OAF: variants seen among roughly 807,000 people sequenced by gnomAD.
OAF encodes out at first protein homolog.
A neutral mutation model predicts 22.5 loss-of-function variants in OAF; 13 were observed. That is an observed-to-expected ratio of 0.58 (90% CI 0.38 to 0.92). OAF has a LOEUF of 0.92. OAF is among the 40% of genes least tolerant of loss of function. The pLI is 0.00. For missense variants in OAF, 347 were observed against 381.8 expected, an observed-to-expected ratio of 0.91 and a Z score of 0.76; for synonymous variants, 175 against 170.5, an observed-to-expected ratio of 1.03 and a Z score of -0.21.
At chr11:120,226,761 G>C in intron 2 of OAF, 55 bp from the exon 3 acceptor site, 1 of 1,500,534 alleles carries the variant, frequency 6.7e-7, no homozygotes, top group Non-Finnish European at 9.1e-7. Context: ...GTCAGGGGAA[G>C]ATGGACAGGG....
chr11:120,218,985 ACG>A (rs1491111719), intron 1 of OAF, among the ~76,000 whole-genome samples: 3 of 148,430 alleles, frequency 2.0e-5, no homozygotes, highest in Non-Finnish European at 4.4e-5. Flanking sequence ...ACGCATGTAC[ACG>A]TGTGTGTGTG....
In OAF at chr11:120,229,223, A is replaced by T; in HGVS notation, c.*81A>T. 3 of 1,305,206 alleles carry T rather than the reference A, an allele frequency of 2.3e-6. No homozygotes were observed. The highest frequency in any genetic ancestry group is 3.2e-6 in the Non-Finnish European group (3 of 927,344). The allele number at this position is 1,305,206 out of a possible 1,614,324, so 80.9% of individuals were successfully genotyped here. On this transcript the variant is annotated 3_prime_UTR_variant, in exon 4 of 4. Transcript: ENST00000328965. The stretch of plus-strand genomic sequence containing the variant: ...TAGAGGGGGTGGCAACCCCCACCTG[A>T]GGCCTTATTTCCCTCCCTCCCCACT...
chr11:120,214,761 C>T (rs541857), intron 1 of OAF, among the ~76,000 whole-genome samples: 19,841 of 152,276 alleles, frequency 0.13, 1,612 homozygotes, highest in South Asian at 0.2. Flanking sequence ...CAGTCACAGT[C>T]GTCAACCCAC....
rs908539480 is a variant in OAF, at chr11:120,219,944, G to C, written c.232-5717G>C. 1.7e-4 allele frequency among the ~76,000 whole-genome samples: 26 copies of C among 152,266 alleles called. 1 individual carries two copies. Among genetic ancestry groups the C allele is most frequent in the Middle Eastern group, 3.4e-3 (1 of 294 alleles). ...CACATTGGAGGCCAGTGGGTTGATG[G>C]AGGCCCTAGAGCATTCATTCGTTCC... On this transcript the variant is annotated intron_variant, in intron 1 of 3. Coordinates refer to ENST00000328965, the MANE Select transcript of OAF (RefSeq NM_178507.4).
At chr11:120,222,154 G>A (rs762265337) in intron 1 of OAF, among the ~76,000 whole-genome samples, 8 of 152,216 alleles carry the variant, frequency 5.3e-5, no homozygotes, top group Non-Finnish European at 7.3e-5. Context: ...AGTGGAAAGC[G>A]GGAGGGACAC....
intron 1 of OAF, among the ~76,000 whole-genome samples, chr11:120,214,730 C>G (rs986423273): frequency 5.9e-5 from 9 of 152,252 alleles, no homozygotes; most frequent in African/African-American, 2.2e-4. Flanking sequence ...CACTACTGCT[C>G]TGGACCTTGA....
chr11:120,219,354 A>T (rs915196476), intron 1 of OAF, among the ~76,000 whole-genome samples: 1 of 152,118 alleles, frequency 6.6e-6, no homozygotes, highest in Non-Finnish European at 1.5e-5. Context: ...ATCAGTTGAG[A>T]TTAGGCTCAG....
chr11:120,211,535 T>A (rs764273146), intron 1 of OAF, 25 bp downstream of exon 1: 1 of 1,426,210 alleles, frequency 7.0e-7, no homozygotes, highest in South Asian at 1.5e-5. Context: ...CTCGCCGGGG[T>A]GGCACCTTCA....
In OAF at chr11:120,226,953, C is replaced by T. The variant is rs1938367713; in HGVS notation, c.504C>T (p.Ala168=). 1 of 1,605,986 alleles carries T rather than the reference C, an allele frequency of 6.2e-7. No individual in the cohort carries two copies. The highest frequency in any genetic ancestry group is 8.5e-7 in the Non-Finnish European group (1 of 1,174,362). ...LHNVCAEAVD[A]IYTRQEDVRF... ...ACGTGTGTGCCGAGGCCGTGGATGC[C>T]ATCTACACCCGCCAGGAGGATGTCC... Residue 168 remains alanine (A), a synonymous_variant, in exon 3 of 4, where the codon GCC becomes GCT. Transcript: ENST00000328965.
rs1938413942 is a variant in OAF at position 120,229,792 on chromosome 11, C to T, written c.*650C>T. The T allele has an allele frequency of 6.5e-6, 1 of 152,728 alleles. No individual in the cohort carries two copies. The highest frequency in any genetic ancestry group is 6.5e-5 in the Admixed American group (1 of 15,310). 9.5% of individuals were successfully genotyped at this position (152,728 alleles called of 1,614,324 possible). A position where few individuals can be genotyped will look rare whatever the true frequency, so the allele number is the denominator to read the frequency against. Reference sequence around the variant, plus strand: ...CTGGACGTTGCCTCCAGAGCAGGCACCAGCTCTTTCCCTCTCTACACAGAA... The same window carrying T: ...CTGGACGTTGCCTCCAGAGCAGGCATCAGCTCTTTCCCTCTCTACACAGAA... On this transcript the variant is annotated 3_prime_UTR_variant, in exon 4 of 4. Coordinates refer to ENST00000328965, the MANE Select transcript of OAF (RefSeq NM_178507.4).
rs1938138541 is a variant in OAF, at chr11:120,211,247, C to T, written c.-33C>T. 5.1e-6 allele frequency: 6 copies of T among 1,173,168 alleles called. No homozygotes were observed. The highest frequency in any genetic ancestry group is 6.3e-6 in the Non-Finnish European group (6 of 949,454). The allele number at this position is 1,173,168 out of a possible 1,614,324, so 72.7% of individuals were successfully genotyped here. On this transcript the variant is annotated 5_prime_UTR_variant, in exon 1 of 4. Coordinates refer to ENST00000328965, the MANE Select transcript of OAF (RefSeq NM_178507.4). ...CGCCTCTCCCCGCCCCCACGCGGCG[C>T]GCCGGGGCCGCGGACGGCAGCGGCC...
chr11:120,227,040 G>C, intron 3 of OAF, 44 bp downstream of exon 3: 1 of 1,469,442 alleles, frequency 6.8e-7, no homozygotes, highest in Non-Finnish European at 9.4e-7. Context: ...GCGGAGGGAA[G>C]GGGACAGGGA....
chr11:120,227,669 C>A (rs925906289), intron 3 of OAF, among the ~76,000 whole-genome samples: 1 of 152,116 alleles, frequency 6.6e-6, no homozygotes, highest in East Asian at 1.9e-4. Context: ...CTCTGGGTAC[C>A]TTTTCCAGGA....
At chr11:120,215,620 G>C (rs1192039683) in intron 1 of OAF, among the ~76,000 whole-genome samples, 1 of 152,160 alleles carries the variant, frequency 6.6e-6, no homozygotes, top group African/African-American at 2.4e-5. Flanking sequence ...ACATCCTATG[G>C]GTGTAATTAG....
chr11:120,219,164 A>AACC (rs2135092697), intron 1 of OAF, among the ~76,000 whole-genome samples: 1 of 151,598 alleles, frequency 6.6e-6, no homozygotes, highest in African/African-American at 2.4e-5. Flanking sequence ...GACGGTGGGG[A>AACC]GCCGCCTCTG....
In OAF at chr11:120,211,367, G is replaced by A. The variant is rs1938142416; in HGVS notation, c.88G>A (p.Ala30Thr). The A allele has an allele frequency of 1.4e-6, 2 of 1,449,528 alleles. No homozygotes were observed. Among genetic ancestry groups the A allele is most frequent in the South Asian group, 1.3e-5 (1 of 75,438 alleles). The allele number at this position is 1,449,528 out of a possible 1,614,324, so 89.8% of individuals were successfully genotyped here. A position where few individuals can be genotyped will look rare whatever the true frequency, so the allele number is the denominator to read the frequency against. Residue 30 changes from alanine (A) to threonine (T), a missense_variant, in exon 1 of 4, where the codon GCC (alanine) becomes ACC (threonine). By Grantham distance (58) the Ala-to-Thr change is moderately conservative. Transcript: ENST00000328965. ...LAPLLGTGAPAELRVRVRLPD... is the reference protein window; with the variant it reads ...LAPLLGTGAPTELRVRVRLPD... Reference sequence around the variant, plus strand: ...GCCGCTGCTGGGAACGGGTGCGCCGGCCGAGCTGCGGGTCCGCGTGCGGCT... The same window carrying A: ...GCCGCTGCTGGGAACGGGTGCGCCGACCGAGCTGCGGGTCCGCGTGCGGCT...
chr11:120,229,258 C>T lies in OAF; in HGVS notation c.*116C>T. ...TCCCTCCCTCCCCACTCCCCTGGCC[C>T]TAGAGCCTGGGCCCCTCTGGCCCCA... On this transcript the variant is annotated 3_prime_UTR_variant, in exon 4 of 4. Transcript: ENST00000328965. 1.0e-6 allele frequency: 1 copy of T among 981,204 alleles called. No homozygotes were observed. Among genetic ancestry groups the T allele is most frequent in the Middle Eastern group, 3.4e-4 (1 of 2,982 alleles). The allele number at this position is 981,204 out of a possible 1,614,324, so 60.8% of individuals were successfully genotyped here.
intron 3 of OAF, among the ~76,000 whole-genome samples, chr11:120,228,281 C>T (rs1419170217): frequency 1.3e-5 from 2 of 152,254 alleles, no homozygotes; most frequent in African/African-American, 4.8e-5. Flanking sequence ...AACAAGGTTT[C>T]ACCGTGTTGG....
chr11:120,211,576 T>C, intron 1 of OAF, 66 bp downstream of exon 1: 1 of 1,164,318 alleles, frequency 8.6e-7, no homozygotes, highest in African/African-American at 1.6e-5. Flanking sequence ...CCAGGCGCTC[T>C]CTTGCCTGCA....
Sources: gnomAD v4.1 joint callset for allele counts (sites outside exome capture counted in the v4.1 genomes callset) on GRCh38, gnomAD v4.1.1 for gene constraint, MANE v1.5 for transcripts, NCBI Gene and HGNC (gene_info 2026-07-23, HGNC 2026-07-21) for gene names.